The following CELF1 variants were observed in gnomAD, a reference collection of about 807,000 sequenced individuals.
CELF1 encodes 50 kDa nuclear polyadenylated RNA-binding protein.
In CELF1, 10 loss-of-function variants were observed where a neutral mutation model predicts 61.8. The ratio of observed to expected loss-of-function variants is 0.16; its 90% CI spans 0.10 to 0.27. The LOEUF (loss-of-function observed/expected upper bound fraction) is 0.27. CELF1 is among the 10% of genes least tolerant of loss of function. The pLI is 1.00. For missense variants in CELF1, 380 were observed against 639.1 expected, an observed-to-expected ratio of 0.59 and a Z score of 4.37; for synonymous variants, 236 against 225.1, an observed-to-expected ratio of 1.05 and a Z score of -0.43.
At chr11:47,564,381 CAGG>C (rs1555195112) in exon 2 of CELF1, 1 of 151,536 alleles carries the variant, frequency 6.6e-6, no homozygotes, top group Non-Finnish European at 1.5e-5. Flanking sequence ...GAGGCTGAGG[CAGG>C]AGAATTGCTT....
In CELF1 at chr11:47,490,042, G is replaced by C. The variant is rs770705558; in HGVS notation, c.72-1018C>G. 4.1e-5 allele frequency among the ~76,000 whole-genome samples: 6 copies of C among 145,384 alleles called. No homozygotes were observed. The South Asian group carries it at 1.3e-3, about 32-fold the overall frequency. ...CAATCTCCACTTCCCAGGTTCAAGA[G>C]ATTCTCCTGCCTCAGCCTCCCAAGT... On this transcript the variant is annotated intron_variant, in intron 3 of 14. Transcript: ENST00000687097.
intron 1 of CELF1, among the ~76,000 whole-genome samples, chr11:47,552,459 C>T (rs1467348858): frequency 6.6e-6 from 1 of 152,168 alleles, no homozygotes; most frequent in African/African-American, 2.4e-5. Context: ...GGGGGGAGGG[C>T]GAGCCAAGGC....
chr11:47,473,391 A>G (rs1286578749), intron 13 of CELF1, among the ~76,000 whole-genome samples, 160 bp from the exon 14 acceptor site: 4 of 152,200 alleles, frequency 2.6e-5, no homozygotes, highest in Admixed American at 6.5e-5. Context: ...AAAGCAAGGA[A>G]CCAAAGGCAA....
chr11:47,556,476 C>T (rs2097206242), upstream of CELF1, among the ~76,000 whole-genome samples: 1 of 152,238 alleles, frequency 6.6e-6, no homozygotes, highest in South Asian at 2.1e-4. Flanking sequence ...CGAGCCATGA[C>T]ACCTGACCAT....
chr11:47,495,097 A>G (rs549541383), intron 3 of CELF1, among the ~76,000 whole-genome samples: 1 of 152,338 alleles, frequency 6.6e-6, no homozygotes, highest in Non-Finnish European at 1.5e-5. Flanking sequence ...ATTTGACAGC[A>G]CTACTTTACA....
intron 1 of CELF1, among the ~76,000 whole-genome samples, chr11:47,516,338 A>G (rs1417590127): frequency 6.6e-6 from 1 of 152,228 alleles, no homozygotes; most frequent in African/African-American, 2.4e-5. Flanking sequence ...TGACTTGCAG[A>G]TTTAGCTAGT....
chr11:47,505,128 T>C (rs968774305), intron 1 of CELF1, among the ~76,000 whole-genome samples: 1 of 151,210 alleles, frequency 6.6e-6, no homozygotes, highest in African/African-American at 2.4e-5. Context: ...TCTGTACTAC[T>C]GCTGTGTACT....
upstream of CELF1, among the ~76,000 whole-genome samples, chr11:47,556,350 A>T (rs536544357): frequency 2.6e-5 from 4 of 152,030 alleles, no homozygotes; most frequent in South Asian, 8.3e-4. Flanking sequence ...ATGTCCAACT[A>T]ATTTTTTTTC....
chr11:47,551,783 G>T (rs1460414787), intron 1 of CELF1, among the ~76,000 whole-genome samples: 1 of 152,202 alleles, frequency 6.6e-6, no homozygotes, highest in African/African-American at 2.4e-5. Context: ...GGAGGTCGAG[G>T]CGGGTGGATC....
chr11:47,473,523 C>G (rs527463660), intron 13 of CELF1, among the ~76,000 whole-genome samples: 6 of 152,082 alleles, frequency 3.9e-5, no homozygotes, highest in Non-Finnish European at 7.4e-5. Context: ...GTGTGTGGAG[C>G]AGGAAAACAG....
chr11:47,521,962 G>A (rs1234622996), intron 1 of CELF1, among the ~76,000 whole-genome samples: 1 of 151,442 alleles, frequency 6.6e-6, no homozygotes, highest in Non-Finnish European at 1.5e-5. Context: ...CCAGGCTGGA[G>A]TGCAATGGCA....
chr11:47,520,229 T>C (rs183062438), intron 1 of CELF1, among the ~76,000 whole-genome samples: 23 of 152,322 alleles, frequency 1.5e-4, no homozygotes, highest in Admixed American at 1.2e-3. Flanking sequence ...TGTGAAAGAC[T>C]TAAAAAATCT....
At chr11:47,498,229 A>G (rs576712439) in intron 3 of CELF1, among the ~76,000 whole-genome samples, 105 of 150,798 alleles carry the variant, frequency 7.0e-4, no homozygotes, top group Middle Eastern at 3.4e-3. Context: ...CAACACAGGG[A>G]GACCTCATAT....
At chr11:47,503,353 T>C (rs189272831) in intron 1 of CELF1, among the ~76,000 whole-genome samples, 115 of 152,196 alleles carry the variant, frequency 7.6e-4, no homozygotes, top group African/African-American at 2.7e-3. Context: ...TGCAAATGTC[T>C]ACCTTGATAG....
intron 2 of CELF1, among the ~76,000 whole-genome samples, chr11:47,558,874 TATATA>T (rs1416906085): frequency 2.3e-5 from 3 of 131,358 alleles, no homozygotes; most frequent in East Asian, 4.0e-4. Flanking sequence ...ATATAATGTA[TATATA>T]ATATATAATT....
At chr11:47,503,290 AGGATGAAAAAG>A (rs2094150569) in intron 1 of CELF1, among the ~76,000 whole-genome samples, 1 of 152,244 alleles carries the variant, frequency 6.6e-6, no homozygotes, top group Admixed American at 6.5e-5. Context: ...TTTTGCCAAA[AGGATGAAAAAG>A]CAAACAAAAG....
chr11:47,533,370 C>T (rs1235592611), intron 1 of CELF1, among the ~76,000 whole-genome samples: 1 of 152,074 alleles, frequency 6.6e-6, no homozygotes, highest in Admixed American at 6.6e-5. Flanking sequence ...GCCTATAATC[C>T]CAGCACTTTG....
Position 47,532,035 on chromosome 11 carries a change from AT to A in CELF1, c.-154+20956del, listed in dbSNP as rs565261366. Among the ~76,000 whole-genome samples, 391 of 144,822 alleles carry A rather than the reference AT, an allele frequency of 2.7e-3. 4 individuals carry two copies. The South Asian group carries it at 0.047, about 17-fold the overall frequency. ...TCTGATTACAACTGCTCTTATTTTT[AT>A]TTTTTTTTTTTTGAGACAGAGTCTC... On this transcript the variant is annotated intron_variant, in intron 1 of 14. Coordinates refer to ENST00000687097, the MANE Select transcript of CELF1 (RefSeq NM_001376376.1).
Position 47,490,610 on chromosome 11 carries a change from G to C in CELF1, c.72-1586C>G, listed in dbSNP as rs563124129. On this transcript the variant is annotated intron_variant, in intron 3 of 14. Transcript: ENST00000687097. ...CGTGGTTAATTTTGTATTTTTAGTA[G>C]AGATGGGGTTTCACCATATTGGTCA... Among the ~76,000 whole-genome samples the C allele has an allele frequency of 1.9e-4, 29 of 152,028 alleles. No individual in the cohort carries two copies. In the Middle Eastern group the frequency reaches 0.017, roughly 89 times the overall value.
Sources: gnomAD v4.1 joint callset for allele counts (sites outside exome capture counted in the v4.1 genomes callset) on GRCh38, gnomAD v4.1.1 for gene constraint, MANE v1.5 for transcripts, NCBI Gene and HGNC (gene_info 2026-07-23, HGNC 2026-07-21) for gene names.